FAF1: variants seen among roughly 807,000 people sequenced by gnomAD.
The protein encoded by FAF1 is FAS-associated factor 1.
Under a neutral mutation model 92.5 loss-of-function variants are expected in FAF1, and 25 were observed. The observed-to-expected ratio is 0.27, with a 90% CI of 0.20 to 0.38. The LOEUF is 0.38. Ranked by LOEUF, FAF1 falls within the 10% of genes least tolerant of loss-of-function variation. FAF1 has a pLI of 1.00. For synonymous variants in FAF1, 234 were observed against 273.2 expected (o/e 0.86, Z 1.42); for missense variants, 636 against 793.3 (o/e 0.80, Z 2.38).
chr1:50,542,141 C>CA (rs1248399906), intron 13 of FAF1, among the ~76,000 whole-genome samples: 1 of 152,220 alleles, frequency 6.6e-6, no homozygotes, highest in Non-Finnish European at 1.5e-5. Flanking sequence ...TAGCCTTAAC[C>CA]AACAATTTGT....
chr1:50,637,503 G>C (rs985874811), intron 8 of FAF1, among the ~76,000 whole-genome samples: 39 of 151,300 alleles, frequency 2.6e-4, no homozygotes, highest in African/African-American at 9.2e-4. Context: ...AGGAACACTA[G>C]CTCTTTCACA....
At chr1:50,557,933 T>C (rs963930694) in intron 13 of FAF1, among the ~76,000 whole-genome samples, 2 of 152,054 alleles carry the variant, frequency 1.3e-5, no homozygotes, top group Non-Finnish European at 2.9e-5. Context: ...TTTATTTAGA[T>C]ACAGGGTCTT....
chr1:50,746,292 A>T (rs1310590470), intron 4 of FAF1, among the ~76,000 whole-genome samples: 430 of 22,620 alleles, frequency 0.019, 17 homozygotes, highest in African/African-American at 0.05. Flanking sequence ...ATATATATAT[A>T]TTTTTTTTTT....
At chr1:50,636,466 A>G (rs899370213) in intron 8 of FAF1, among the ~76,000 whole-genome samples, 1 of 144,614 alleles carries the variant, frequency 6.9e-6, no homozygotes, top group Non-Finnish European at 1.5e-5. Context: ...GCTCACTGCA[A>G]TCTATGCCTC....
chr1:50,923,551 A>G (rs1213229852), intron 1 of FAF1, among the ~76,000 whole-genome samples: 1 of 152,232 alleles, frequency 6.6e-6, no homozygotes, highest in African/African-American at 2.4e-5. Flanking sequence ...AAAATTAAAA[A>G]GAAGGGAATT....
intron 12 of FAF1, 41 bp downstream of exon 12, chr1:50,582,577 G>A (rs781447885): frequency 7.8e-7 from 1 of 1,276,072 alleles, no homozygotes; most frequent in South Asian, 1.2e-5. Flanking sequence ...GTAAACCTGT[G>A]GGATGCACTT....
At chr1:50,823,356 G>GC (rs1293037465) in intron 2 of FAF1, among the ~76,000 whole-genome samples, 3 of 152,150 alleles carry the variant, frequency 2.0e-5, no homozygotes, top group Non-Finnish European at 4.4e-5. Flanking sequence ...GGACAACACA[G>GC]CCCCAAACCC....
Position 50,860,879 on chromosome 1 carries a change from A to T in FAF1, c.46-2882T>A, listed in dbSNP as rs552965977. 2.6e-5 allele frequency among the ~76,000 whole-genome samples: 4 copies of T among 152,126 alleles called. No individual in the cohort carries two copies. In the South Asian group the frequency reaches 8.3e-4, roughly 31 times the overall value. Reference sequence around the variant, plus strand: ...TGGATAAAGAAAATGTGGCATGTATACACTGTGGAATACTATGCAGCCATC... The same window carrying T: ...TGGATAAAGAAAATGTGGCATGTATTCACTGTGGAATACTATGCAGCCATC... On this transcript the variant is annotated intron_variant, in intron 1 of 18. Transcript: ENST00000396153.
intron 1 of FAF1, among the ~76,000 whole-genome samples, chr1:50,872,064 C>CAA (rs200142842): frequency 0.012 from 804 of 65,454 alleles, 13 homozygotes; most frequent in African/African-American, 0.04. Context: ...GACTCCATCT[C>CAA]AAAAAAAAAA....
chr1:50,827,191 G>A (rs1334118319), intron 2 of FAF1, among the ~76,000 whole-genome samples: 2 of 152,054 alleles, frequency 1.3e-5, no homozygotes, highest in African/African-American at 4.8e-5. Flanking sequence ...AAAAGAAAAG[G>A]GGGAAATGTG....
chr1:50,833,779 G>A (rs1382503495), intron 2 of FAF1, among the ~76,000 whole-genome samples: 2 of 151,944 alleles, frequency 1.3e-5, no homozygotes, highest in Non-Finnish European at 2.9e-5. Flanking sequence ...AGACCTCTGT[G>A]CCAAAACTCA....
chr1:50,563,012 TAG>T (rs1649999801), intron 13 of FAF1, among the ~76,000 whole-genome samples: 1 of 152,212 alleles, frequency 6.6e-6, no homozygotes, highest in Admixed American at 6.5e-5. Context: ...TACATTGTAT[TAG>T]GTATTATAAG....
At chr1:50,493,749 T>G (rs987755709) in intron 15 of FAF1, among the ~76,000 whole-genome samples, 1 of 152,224 alleles carries the variant, frequency 6.6e-6, no homozygotes, top group African/African-American at 2.4e-5. Flanking sequence ...CATAAAATAC[T>G]TATTGTTTAC....
chr1:50,764,720 G>C (rs1660496082), intron 4 of FAF1, among the ~76,000 whole-genome samples: 1 of 152,160 alleles, frequency 6.6e-6, no homozygotes. Flanking sequence ...CAGGAAGAGA[G>C]GTACTATATC....
chr1:50,956,597 G>C (rs1645268859), intron 1 of FAF1, among the ~76,000 whole-genome samples: 1 of 152,142 alleles, frequency 6.6e-6, no homozygotes. Context: ...CCCAGTTACA[G>C]AAGAAATCAG....
intron 6 of FAF1, among the ~76,000 whole-genome samples, chr1:50,734,513 T>C (rs1032393779): frequency 5.3e-5 from 8 of 151,958 alleles, no homozygotes; most frequent in Admixed American, 2.0e-4. Context: ...GGCGGGTGGA[T>C]CACGAGGTCA....
intron 1 of FAF1, among the ~76,000 whole-genome samples, chr1:50,930,982 G>C (rs1018594962): frequency 7.9e-5 from 12 of 152,102 alleles, no homozygotes; most frequent in African/African-American, 2.7e-4. Context: ...AATTACAGCA[G>C]ATTTGTTATG....
At chr1:50,456,078 C>CAA (rs200522407) in intron 18 of FAF1, among the ~76,000 whole-genome samples, 1 of 150,814 alleles carries the variant, frequency 6.6e-6, no homozygotes, top group Non-Finnish European at 1.5e-5. Context: ...CTGCTTTAAA[C>CAA]AAAAAAAAAT....
intron 2 of FAF1, among the ~76,000 whole-genome samples, chr1:50,826,909 C>T (rs1468715333): frequency 2.6e-5 from 4 of 151,972 alleles, no homozygotes; most frequent in Non-Finnish European, 4.4e-5. Flanking sequence ...TCTGCCCAGC[C>T]GCCCCGTCTG....
Sources: allele counts gnomAD v4.1 joint callset (sites outside exome capture counted in the v4.1 genomes callset), GRCh38; gene constraint gnomAD v4.1.1; transcripts MANE v1.5; gene names NCBI Gene and HGNC (gene_info 2026-07-23, HGNC 2026-07-21).